The following DNAH5 variants were observed in gnomAD, a reference collection of about 807,000 sequenced individuals.
DNAH5 encodes the protein dynein axonemal heavy chain 5.
A neutral mutation model predicts 518.2 loss-of-function variants in DNAH5; 372 were observed. The observed-to-expected ratio is 0.72, with a 90% CI of 0.66 to 0.78. The LOEUF (loss-of-function observed/expected upper bound fraction) is 0.78, where lower values mean the gene tolerates loss of function less well. Among genes scored for constraint, DNAH5 ranks in the 30% least tolerant of loss-of-function variants. The probability of loss-of-function intolerance (pLI) is 0.00; values close to 1 mark genes in which losing one functional copy is unlikely to be tolerated. For missense variants in DNAH5, 5,523 were observed against 5,687.0 expected (o/e 0.97, Z 0.93); for synonymous variants, 2,039 against 2,025.9 (o/e 1.01, Z -0.17).
intron 21 of DNAH5, among the ~76,000 whole-genome samples, chr5:13,877,953 T>G (rs1328365389): frequency 1.3e-5 from 2 of 152,086 alleles, no homozygotes; most frequent in Non-Finnish European, 2.9e-5. Context: ...GCCCCTTGTT[T>G]CTCTCTCACA....
chr5:13,797,212 A>C (rs533969767), intron 47 of DNAH5, among the ~76,000 whole-genome samples: 1 of 152,362 alleles, frequency 6.6e-6, no homozygotes, highest in African/African-American at 2.4e-5. Flanking sequence ...GGATCTAATT[A>C]AACTAACAAG....
At chr5:13,905,369 C>T (rs981080985) in intron 12 of DNAH5, among the ~76,000 whole-genome samples, 3 of 152,212 alleles carry the variant, frequency 2.0e-5, no homozygotes, top group Non-Finnish European at 2.9e-5. Context: ...CCCTCTCTTG[C>T]TTTCTCAAGC....
In DNAH5 at chr5:13,914,497, C is replaced by G. The variant is rs762327229; in HGVS notation, c.1320+23G>C. On this transcript the variant is annotated intron_variant, in intron 10 of 78. Transcript: ENST00000265104. ...AAATAAGATAAAAAGAATAGAACAT[C>G]TAAATACTAAACTGACCATTACCTG... is the stretch of plus-strand genomic sequence containing the variant. The G allele has an allele frequency of 2.5e-6, 4 of 1,610,640 alleles. No individual in the cohort carries two copies. The South Asian group carries it at 3.3e-5, about 13-fold the overall frequency.
At position 13,862,777 on chromosome 5, in the gene DNAH5, G is replaced by A. The variant is rs565985277; in HGVS notation, c.4597-30C>T. ...CAAAATGGCAAGCTCTCATGTTATTGCATGAAAGTCACACGTCCTTCCTTA... is the reference window on the plus strand; with the variant it reads ...CAAAATGGCAAGCTCTCATGTTATTACATGAAAGTCACACGTCCTTCCTTA... On this transcript the variant is annotated intron_variant, in intron 28 of 78. Coordinates refer to ENST00000265104, the MANE Select transcript of DNAH5 (RefSeq NM_001369.3). 66 of 1,584,884 alleles carry A rather than the reference G, an allele frequency of 4.2e-5. No individual in the cohort carries two copies. In the South Asian group the frequency reaches 7.3e-4, roughly 18 times the overall value.
chr5:13,998,464 C>A (rs1784118054), intron 1 of DNAH5, among the ~76,000 whole-genome samples: 1 of 152,188 alleles, frequency 6.6e-6, no homozygotes, highest in Non-Finnish European at 1.5e-5. Context: ...GCAGATTTTA[C>A]AAAAACACAT....
Position 13,850,655 on chromosome 5 carries a change from G to A in DNAH5, c.5111C>T (p.Thr1704Ile), listed in dbSNP as rs1427029408. 1.2e-6 allele frequency: 2 copies of A among 1,613,882 alleles called. No individual in the cohort carries two copies. The highest frequency in any genetic ancestry group is 1.7e-5 in the Admixed American group (1 of 60,022). The change falls in exon 31 of 79, where the codon ACT becomes ATT. Residue 1704 changes from threonine to isoleucine, a missense_variant. Coordinates refer to ENST00000265104, the MANE Select transcript of DNAH5 (RefSeq NM_001369.3). ...DQLEICQKSL[T>I]GYLEKKRLCF... Reference sequence around the variant, plus strand: ...TTCAAAGAGCCAGTGAACTTACCCAGTAAGGGATTTCTGGCATATTTCCAA... The same window carrying A: ...TTCAAAGAGCCAGTGAACTTACCCAATAAGGGATTTCTGGCATATTTCCAA...
intron 40 of DNAH5, among the ~76,000 whole-genome samples, chr5:13,821,361 A>G (rs1561350324): frequency 6.6e-6 from 1 of 152,234 alleles, no homozygotes. Context: ...CTGTCTTTAT[A>G]TGTCCACTGC....
At chr5:13,732,786 G>A (rs569996807) in intron 68 of DNAH5, among the ~76,000 whole-genome samples, 26 of 152,166 alleles carry the variant, frequency 1.7e-4, no homozygotes, top group Admixed American at 1.7e-3. Context: ...TTCATCATAC[G>A]AATTTTAGTC....
intron 41 of DNAH5, among the ~76,000 whole-genome samples, chr5:13,819,261 G>A (rs1272301174): frequency 1.3e-5 from 2 of 152,122 alleles, no homozygotes; most frequent in Non-Finnish European, 2.9e-5. Flanking sequence ...GAAAAACCAC[G>A]TGATAAGTCC....
intron 75 of DNAH5, among the ~76,000 whole-genome samples, chr5:13,712,317 A>G (rs532039273): frequency 2.0e-5 from 3 of 152,202 alleles, no homozygotes; most frequent in Non-Finnish European, 4.4e-5. Context: ...ACAAAAATCA[A>G]CTCAAGATGG....
At chr5:13,730,143 A>G (rs1579944899) in intron 68 of DNAH5, among the ~76,000 whole-genome samples, 1 of 152,152 alleles carries the variant, frequency 6.6e-6, no homozygotes, top group South Asian at 2.1e-4. Flanking sequence ...CTGTGGTTAT[A>G]CCCTAAGCTA....
Position 13,841,096 on chromosome 5 carries a change from C to G in DNAH5, c.5519G>C (p.Arg1840Pro). ...ATTTCTAAGGGCTTCTTCTGAATCC[C>G]GTGTCCATATCATCTGAATTCCTAA... ...GLLGIQMIWT[R>P]DSEEALRNAK... is the part of the protein sequence containing the mutation. The change falls in exon 34 of 79, where the codon CGG becomes CCG. Residue 1840 changes from arginine to proline, a missense_variant. Physicochemically the swap from Arg to Pro is moderately radical, Grantham distance 103. Around this residue, in one of 3 missense-constraint regions of DNAH5, gnomAD observed 5,121 missense variants for 5,223.3 expected, o/e 0.98. Transcript: ENST00000265104. 4 of 1,614,024 alleles carry G rather than the reference C, an allele frequency of 2.5e-6. No homozygotes were observed. Among genetic ancestry groups the G allele is most frequent in the Non-Finnish European group, 3.4e-6 (4 of 1,179,988 alleles).
chr5:13,736,410 T>C (rs1463419037), intron 66 of DNAH5, among the ~76,000 whole-genome samples: 1 of 151,756 alleles, frequency 6.6e-6, no homozygotes, highest in Non-Finnish European at 1.5e-5. Context: ...TATTATTTTG[T>C]TGATACGGAG....
intron 9 of DNAH5, among the ~76,000 whole-genome samples, chr5:13,915,515 A>G (rs1776552537): frequency 6.6e-6 from 1 of 152,076 alleles, no homozygotes; most frequent in Non-Finnish European, 1.5e-5. Flanking sequence ...CAACCCTAAC[A>G]TATAATTTTA....
At chr5:13,787,444 A>G (rs1421713408) in intron 51 of DNAH5, among the ~76,000 whole-genome samples, 1 of 152,172 alleles carries the variant, frequency 6.6e-6, no homozygotes, top group African/African-American at 2.4e-5. Context: ...AACAAATGAG[A>G]TTGGTTTAAC....
intron 22 of DNAH5, 76 bp from the exon 23 acceptor site, chr5:13,871,841 C>T: frequency 2.3e-6 from 3 of 1,278,626 alleles, no homozygotes; most frequent in Non-Finnish European, 3.4e-6. Flanking sequence ...TATTTACCAA[C>T]TGCTGGTGGT....
chr5:13,836,449 G>A (rs900753494), intron 35 of DNAH5, among the ~76,000 whole-genome samples: 7 of 152,058 alleles, frequency 4.6e-5, no homozygotes, highest in Admixed American at 6.5e-5. Context: ...GGTACAAAGG[G>A]ACATCCAGAC....
rs1744984540 is a variant in DNAH5, at chr5:13,721,040, T to TCCTGGC, written c.12233_12238dup (p.Gly4078_Gln4079dup). The TCCTGGC allele has an allele frequency of 6.2e-7, 1 of 1,614,130 alleles. No homozygotes were observed. ...CTGCAAGAGCTTCCGAGCATGGACT[T>TCCTGGC]CCTGGCCCTGGCCCATGGACACATA... On this transcript the variant is annotated inframe_insertion, in exon 71 of 79. Coordinates refer to ENST00000265104, the MANE Select transcript of DNAH5 (RefSeq NM_001369.3).
Position 13,718,991 on chromosome 5 carries a change from C to T in DNAH5, c.12390G>A (p.Met4130Ile), listed in dbSNP as rs1474585287. 1.9e-6 allele frequency: 3 copies of T among 1,613,830 alleles called. No individual in the cohort carries two copies. The highest frequency in any genetic ancestry group is 1.3e-5 in the African/African-American group (1 of 74,896). Residue 4130 changes from methionine to isoleucine, a missense_variant, in exon 72 of 79, where the codon ATG becomes ATA. Around this residue, in one of 3 missense-constraint regions of DNAH5, gnomAD observed 5,121 missense variants for 5,223.3 expected, o/e 0.98. Coordinates refer to ENST00000265104, the MANE Select transcript of DNAH5 (RefSeq NM_001369.3). ...ELVHDAFRLW[M>I]TTEAHKQFPI... ...GAAACTGCTTATGAGCCTCGGTGGT[C>T]ATCCAGAGGCGGAACGCATCATGTA...
Sources: gnomAD v4.1 joint callset for allele counts (sites outside exome capture counted in the v4.1 genomes callset) on GRCh38, gnomAD v4.1.1 for gene constraint, gnomAD v4.1.1 regional missense constraint, MANE v1.5 for transcripts, NCBI Gene and HGNC (gene_info 2026-07-23, HGNC 2026-07-21) for gene names.